The following SLC12A1 variants were observed in gnomAD, a reference collection of about 807,000 sequenced individuals.
The protein encoded by SLC12A1 is Na-K-2Cl cotransporter.
In SLC12A1, 89 loss-of-function variants were observed where a neutral mutation model predicts 130.4. The ratio of observed to expected loss-of-function variants is 0.68; its 90% CI spans 0.58 to 0.81. SLC12A1 has a LOEUF of 0.81. SLC12A1 is among the 40% of genes least tolerant of loss of function. The pLI is 0.00. For synonymous variants in SLC12A1, 499 were observed against 460.0 expected (o/e 1.08, Z -1.09); for missense variants, 1,310 against 1,336.4 (o/e 0.98, Z 0.31).
At chr15:48,259,163 G>T (rs1308976552) in intron 16 of SLC12A1, 37 bp from the exon 17 acceptor site, 1 of 1,354,636 alleles carries the variant, frequency 7.4e-7, no homozygotes, top group Non-Finnish European at 1.1e-6. Context: ...CAGGCTTCTT[G>T]CAGGGGCTCA....
At position 48,244,683 on chromosome 15, in the gene SLC12A1, C is replaced by T. The variant is rs763767700; in HGVS notation, c.1301-70C>T. On this transcript the variant is annotated intron_variant, in intron 10 of 26. Transcript: ENST00000380993. Reference sequence around the variant, plus strand: ...ACCTTTTCAGTCTCAAAGTAAACTACGTTTTCAGTAGAAAACCGTAAGGGA... The same window carrying T: ...ACCTTTTCAGTCTCAAAGTAAACTATGTTTTCAGTAGAAAACCGTAAGGGA... The T allele has an allele frequency of 2.3e-4, 339 of 1,483,500 alleles. 1 individual carries two copies. Among genetic ancestry groups the T allele is most frequent in the Non-Finnish European group, 2.6e-4 (281 of 1,071,446 alleles). 91.9% of individuals were successfully genotyped at this position (1,483,500 alleles called of 1,614,324 possible).
chr15:48,295,583 C>T (rs2042169479), intron 24 of SLC12A1, among the ~76,000 whole-genome samples: 1 of 152,160 alleles, frequency 6.6e-6, no homozygotes, highest in Admixed American at 6.5e-5. Flanking sequence ...GTATTTGTCA[C>T]ATGTCCTCAT....
chr15:48,274,596 G>A lies in SLC12A1; in HGVS notation c.2428G>A (p.Val810Met), dbSNP rs751009620. The A allele has an allele frequency of 2.2e-5, 35 of 1,612,834 alleles. No individual in the cohort carries two copies. Among genetic ancestry groups the A allele is most frequent in the African/African-American group, 6.7e-5 (5 of 74,916 alleles). ...IHDAFDFEIG[V>M]VIVRISQGFD... ...TGATGCATTTGATTTTGAGATTGGC[G>A]TGGTTATAGTCAGAATCAGCCAAGG... Residue 810 changes from valine to methionine, a missense_variant, in exon 20 of 27, where the codon GTG becomes ATG. Transcript: ENST00000380993.
rs1325045089 is a variant in SLC12A1, at chr15:48,207,120, T to C, written c.-186-414T>C. ...GTTTTGTTTTTCATTTTATATGTTG[T>C]ATAGTATATATTCCTAACAATCAAA... On this transcript the variant is annotated intron_variant, in intron 1 of 26. Transcript: ENST00000380993. Among the ~76,000 whole-genome samples the C allele has an allele frequency of 2.6e-5, 4 of 152,340 alleles. No homozygotes were observed. In the East Asian group the frequency reaches 7.7e-4, roughly 29 times the overall value.
intron 17 of SLC12A1, among the ~76,000 whole-genome samples, chr15:48,266,988 T>G (rs1455201301): frequency 6.6e-6 from 1 of 152,192 alleles, no homozygotes; most frequent in African/African-American, 2.4e-5. Context: ...AAGGAAATGT[T>G]AATGTATTTG....
chr15:48,247,433 C>T lies in SLC12A1; in HGVS notation c.1657C>T (p.Leu553Phe), dbSNP rs1431696006. Residue 553 changes from leucine to phenylalanine, a missense_variant, in exon 13 of 27, where the codon CTT (leucine) becomes TTT (phenylalanine). Physicochemically the swap from Leu to Phe is conservative, Grantham distance 22. Transcript: ENST00000380993. Reference sequence around the variant, plus strand: ...CCTGAGAGGATATATTCTCACTTTTCTTATAGCCATGGCATTTATTCTTAT... The same window carrying T: ...CCTGAGAGGATATATTCTCACTTTTTTTATAGCCATGGCATTTATTCTTAT... ...EPLRGYILTF[L>F]IAMAFILIAE... 1.9e-6 allele frequency: 3 copies of T among 1,609,894 alleles called. No homozygotes were observed. The highest frequency in any genetic ancestry group is 2.5e-6 in the Non-Finnish European group (3 of 1,176,766).
chr15:48,247,489 A>C, intron 13 of SLC12A1, 29 bp downstream of exon 13: 1 of 1,532,436 alleles, frequency 6.5e-7, no homozygotes, highest in Non-Finnish European at 8.9e-7. Context: ...TTTTTATTGA[A>C]AACCAAAGAA....
At chr15:48,244,336 A>C (rs1597422281) in intron 10 of SLC12A1, among the ~76,000 whole-genome samples, 1 of 152,246 alleles carries the variant, frequency 6.6e-6, no homozygotes, top group Admixed American at 6.5e-5. Context: ...CTTAATCACT[A>C]TAATAGAATT....
At chr15:48,283,131 C>T (rs141467779) in intron 20 of SLC12A1, among the ~76,000 whole-genome samples, 33 of 152,274 alleles carry the variant, frequency 2.2e-4, no homozygotes, top group African/African-American at 7.9e-4. Context: ...CATGACTAGG[C>T]CCATTTCCAA....
At chr15:48,263,385 A>C (rs1394762321) in intron 17 of SLC12A1, among the ~76,000 whole-genome samples, 1 of 152,102 alleles carries the variant, frequency 6.6e-6, no homozygotes, top group Non-Finnish European at 1.5e-5. Context: ...TATCAAGTAC[A>C]TTATGTTGTG....
chr15:48,235,069 G>C lies in SLC12A1; in HGVS notation c.1215+65G>C, dbSNP rs773209707. Reference sequence around the variant, plus strand: ...GTACACTTGGTGGGTAGCACAAGGAGCTAGAGAGGTTAGATGTGACCATAT... The same window carrying C: ...GTACACTTGGTGGGTAGCACAAGGACCTAGAGAGGTTAGATGTGACCATAT... On this transcript the variant is annotated intron_variant, in intron 9 of 26. Coordinates refer to ENST00000380993, the MANE Select transcript of SLC12A1 (RefSeq NM_000338.3). The C allele has an allele frequency of 2.0e-6, 3 of 1,531,286 alleles. No individual in the cohort carries two copies. In the Middle Eastern group the frequency reaches 5.7e-4, roughly 292 times the overall value. The allele number at this position is 1,531,286 out of a possible 1,614,324, so 94.9% of individuals were successfully genotyped here. A position where few individuals can be genotyped will look rare whatever the true frequency, so the allele number is the denominator to read the frequency against.
At position 48,234,863 on chromosome 15, in the gene SLC12A1, A is replaced by C; in HGVS notation, c.1088-14A>C. On this transcript the variant is annotated splice_polypyrimidine_tract_variant and intron_variant, in intron 8 of 26. Transcript: ENST00000380993. ...AATGTCTACATCATAATTTTCTTATAATTTATGTTGCAGCATCAATATTTG... is the reference window on the plus strand; with the variant it reads ...AATGTCTACATCATAATTTTCTTATCATTTATGTTGCAGCATCAATATTTG... The C allele has an allele frequency of 6.2e-7, 1 of 1,613,432 alleles. No individual in the cohort carries two copies. The highest frequency in any genetic ancestry group is 8.5e-7 in the Non-Finnish European group (1 of 1,179,410).
At chr15:48,290,534 C>G (rs1363654023) in intron 23 of SLC12A1, among the ~76,000 whole-genome samples, 1 of 152,112 alleles carries the variant, frequency 6.6e-6, no homozygotes, top group Non-Finnish European at 1.5e-5. Context: ...TTGTTTACAC[C>G]AGCATCATCA....
intron 11 of SLC12A1, among the ~76,000 whole-genome samples, chr15:48,245,531 C>T (rs1221540142): frequency 5.9e-5 from 9 of 152,120 alleles, no homozygotes; most frequent in South Asian, 2.1e-4. Context: ...TTTGGTTTTC[C>T]GTTCCTGTGT....
rs1567305400 is a variant in SLC12A1, at chr15:48,220,132, TA to T, written c.421-501del. 2.2e-3 allele frequency among the ~76,000 whole-genome samples: 42 copies of T among 18,922 alleles called. 1 individual carries two copies. The highest frequency in any genetic ancestry group is 7.9e-3 in the African/African-American group (40 of 5,066). 12.4% of individuals were successfully genotyped at this position (18,922 alleles called of 152,430 possible). A position where few individuals can be genotyped will look rare whatever the true frequency, so the allele number is the denominator to read the frequency against. On this transcript the variant is annotated intron_variant, in intron 2 of 26. Transcript: ENST00000380993. ...TCAAAAAAAAAAAAAAAAAAAAAGG[TA>T]GATAGATAGATAGATAGATAGATAG... is the stretch of plus-strand genomic sequence containing the variant.
chr15:48,249,100 TG>T (rs1308459888), intron 13 of SLC12A1, among the ~76,000 whole-genome samples: 2 of 152,090 alleles, frequency 1.3e-5, no homozygotes, highest in Non-Finnish European at 2.9e-5. Flanking sequence ...TCTAGAGATG[TG>T]AAAAAGGTAT....
chr15:48,233,985 A>C (rs1234525793), intron 8 of SLC12A1, among the ~76,000 whole-genome samples: 25 of 152,278 alleles, frequency 1.6e-4, no homozygotes, highest in Non-Finnish European at 2.9e-5. Context: ...TTATTAACAA[A>C]ACTTCTCATC....
At chr15:48,249,391 T>C (rs1267260181) in intron 13 of SLC12A1, among the ~76,000 whole-genome samples, 184 bp from the exon 14 acceptor site, 1 of 152,152 alleles carries the variant, frequency 6.6e-6, no homozygotes, top group African/African-American at 2.4e-5. Context: ...ATTACTTACT[T>C]TATGGAAACC....
At chr15:48,279,763 T>C (rs1284841612) in intron 20 of SLC12A1, among the ~76,000 whole-genome samples, 2 of 152,242 alleles carry the variant, frequency 1.3e-5, no homozygotes, top group Non-Finnish European at 2.9e-5. Context: ...AAGTATTCCA[T>C]GTAAGTACAG....
Sources: gnomAD v4.1 joint callset for allele counts (sites outside exome capture counted in the v4.1 genomes callset) on GRCh38, gnomAD v4.1.1 for gene constraint, MANE v1.5 for transcripts, NCBI Gene and HGNC (gene_info 2026-07-23, HGNC 2026-07-21) for gene names.